PRKG1: variants seen among roughly 807,000 people sequenced by gnomAD.
PRKG1 encodes the protein cGMP-dependent protein kinase 1.
Under a neutral mutation model 88.1 loss-of-function variants are expected in PRKG1, and 35 were observed. The ratio of observed to expected loss-of-function variants is 0.40; its 90% CI spans 0.30 to 0.53. The LOEUF is 0.53. Ranked by LOEUF, PRKG1 falls within the 20% of genes least tolerant of loss-of-function variation. The probability of loss-of-function intolerance (pLI) is 0.59; values close to 1 mark genes in which losing one functional copy is unlikely to be tolerated. For synonymous variants in PRKG1, 303 were observed against 292.5 expected (o/e 1.04, Z -0.37); for missense variants, 540 against 839.8 (o/e 0.64, Z 4.41).
intron 3 of PRKG1, among the ~76,000 whole-genome samples, chr10:51,521,026 C>T (rs574111932): frequency 2.0e-5 from 3 of 152,256 alleles, no homozygotes; most frequent in South Asian, 4.1e-4. Flanking sequence ...CATGGTGGCT[C>T]ACGCCTGTAA....
chr10:51,993,017 A>G (rs1844351501), intron 5 of PRKG1, among the ~76,000 whole-genome samples: 1 of 152,186 alleles, frequency 6.6e-6, no homozygotes, highest in African/African-American at 2.4e-5. Context: ...GGAGAGAATC[A>G]AATTGAAGGC....
chr10:51,372,003 G>A (rs746911763), intron 2 of PRKG1, among the ~76,000 whole-genome samples: 3 of 152,142 alleles, frequency 2.0e-5, no homozygotes, highest in African/African-American at 7.2e-5. Context: ...GCCACTGGAA[G>A]AAATGGAAGA....
At chr10:52,045,979 G>A (rs924145850) in intron 5 of PRKG1, among the ~76,000 whole-genome samples, 1 of 152,216 alleles carries the variant, frequency 6.6e-6, no homozygotes. Flanking sequence ...AATGCATGCT[G>A]ATGTTTGCTG....
chr10:51,449,835 T>C (rs1185332873), intron 2 of PRKG1, among the ~76,000 whole-genome samples: 2 of 151,590 alleles, frequency 1.3e-5, no homozygotes, highest in African/African-American at 4.8e-5. Context: ...GCAAATTCCT[T>C]TTTTAATTTA....
At chr10:51,207,041 C>T (rs58504594) in intron 2 of PRKG1, among the ~76,000 whole-genome samples, 5,244 of 152,080 alleles carry the variant, frequency 0.034, 297 homozygotes, top group African/African-American at 0.12. Context: ...TTTCTTGGTA[C>T]ATTTTATGAA....
chr10:51,364,581 TA>T (rs1564463044), intron 2 of PRKG1, among the ~76,000 whole-genome samples: 1 of 151,934 alleles, frequency 6.6e-6, no homozygotes, highest in Non-Finnish European at 1.5e-5. Flanking sequence ...TAGAAATTGT[TA>T]TATTAAAAAT....
At chr10:51,594,979 G>A (rs1212979661) in intron 3 of PRKG1, among the ~76,000 whole-genome samples, 3 of 152,184 alleles carry the variant, frequency 2.0e-5, no homozygotes, top group Non-Finnish European at 4.4e-5. Context: ...GTTTTTAAAT[G>A]ATTTAGAGTT....
intron 5 of PRKG1, among the ~76,000 whole-genome samples, chr10:51,975,603 T>C (rs1843812478): frequency 6.6e-6 from 1 of 152,126 alleles, no homozygotes. Context: ...TGTATATTTA[T>C]AAGTATGTTG....
intron 2 of PRKG1, among the ~76,000 whole-genome samples, chr10:51,350,135 T>C (rs1031291705): frequency 6.6e-6 from 1 of 152,244 alleles, no homozygotes; most frequent in Admixed American, 6.5e-5. Context: ...ATCATTCATA[T>C]AGTAGAGTTA....
At chr10:51,186,511 G>A (rs1837490787) in intron 2 of PRKG1, among the ~76,000 whole-genome samples, 2 of 151,838 alleles carry the variant, frequency 1.3e-5, no homozygotes, top group Admixed American at 6.6e-5. Context: ...TCATTTCTGA[G>A]GTCTTGGATT....
intron 7 of PRKG1, among the ~76,000 whole-genome samples, chr10:52,108,600 C>T (rs1305743303): frequency 1.3e-5 from 2 of 152,042 alleles, no homozygotes; most frequent in African/African-American, 4.8e-5. Context: ...GAAAACAACA[C>T]CTAGTTTATT....
At chr10:51,054,908 G>A (rs1032404205) in intron 1 of PRKG1, among the ~76,000 whole-genome samples, 3 of 152,118 alleles carry the variant, frequency 2.0e-5, no homozygotes, top group South Asian at 2.1e-4. Context: ...TCTATGAAAA[G>A]CACTTAGCAC....
intron 3 of PRKG1, among the ~76,000 whole-genome samples, chr10:51,667,212 T>C (rs190252123): frequency 6.6e-6 from 1 of 152,372 alleles, no homozygotes; most frequent in East Asian, 1.9e-4. Flanking sequence ...CTTTTTATTT[T>C]TCAAGAATGA....
chr10:51,699,537 C>G (rs147611687), intron 3 of PRKG1: 1 of 1,609,836 alleles, frequency 6.2e-7, no homozygotes, highest in Non-Finnish European at 8.5e-7. Context: ...TCTCTCACCG[C>G]CAAACTCGAC....
intron 5 of PRKG1, among the ~76,000 whole-genome samples, chr10:51,957,999 T>C (rs973410467): frequency 4.6e-5 from 7 of 152,172 alleles, no homozygotes; most frequent in African/African-American, 1.7e-4. Flanking sequence ...ATTCTCAAAG[T>C]AGAGTATCAT....
At chr10:51,608,688 C>T (rs967573768) in intron 3 of PRKG1, among the ~76,000 whole-genome samples, 1 of 152,056 alleles carries the variant, frequency 6.6e-6, no homozygotes, top group Non-Finnish European at 1.5e-5. Flanking sequence ...AAAATGCAAC[C>T]TAATTAATGC....
chr10:51,516,663 G>C (rs891958862), intron 3 of PRKG1, among the ~76,000 whole-genome samples: 3 of 152,208 alleles, frequency 2.0e-5, no homozygotes, highest in Non-Finnish European at 2.9e-5. Flanking sequence ...GGTGGGTACA[G>C]ACTGGGTCTT....
intron 3 of PRKG1, among the ~76,000 whole-genome samples, chr10:51,784,044 G>A (rs144534400): frequency 1.3e-5 from 2 of 152,086 alleles, no homozygotes; most frequent in East Asian, 1.9e-4. Context: ...ATTATATTTG[G>A]TTGCTGCTTT....
chr10:51,820,798 G>A (rs1263047575), intron 4 of PRKG1, among the ~76,000 whole-genome samples: 1 of 152,166 alleles, frequency 6.6e-6, no homozygotes, highest in Non-Finnish European at 1.5e-5. Context: ...TTCTAGTTTT[G>A]ATGGGGAGAA....
Sources: gnomAD v4.1 joint callset for allele counts (sites outside exome capture counted in the v4.1 genomes callset) on GRCh38, gnomAD v4.1.1 for gene constraint, MANE v1.5 for transcripts, NCBI Gene and HGNC (gene_info 2026-07-23, HGNC 2026-07-21) for gene names.